Variants in ARHGEF28 observed in about 807,000 individuals in gnomAD.
ARHGEF28 encodes 190 kDa guanine nucleotide exchange factor.
A neutral mutation model predicts 206.6 loss-of-function variants in ARHGEF28; 152 were observed. That is an observed-to-expected ratio of 0.74 (90% CI 0.64 to 0.84). The LOEUF (loss-of-function observed/expected upper bound fraction) is 0.84, where lower values mean the gene tolerates loss of function less well. Ranked by LOEUF, ARHGEF28 falls within the 40% of genes least tolerant of loss-of-function variation. The pLI is 0.00. For synonymous variants in ARHGEF28, 763 were observed against 776.4 expected (o/e 0.98, Z 0.29); for missense variants, 2,028 against 2,073.2 (o/e 0.98, Z 0.42).
Position 73,846,308 on chromosome 5 carries a change from G to C in ARHGEF28, c.1468G>C (p.Gly490Arg). The change falls in exon 12 of 36, where the codon GGG (glycine) becomes CGG (arginine). Residue 490 changes from glycine (G) to arginine (R), a missense_variant. Gly to Arg is a moderately radical substitution (Grantham distance 125, BLOSUM62 -2). Around this residue, in one of 3 missense-constraint regions of ARHGEF28, gnomAD observed 1,002 missense variants for 1,015.3 expected, o/e 0.99. Transcript: ENST00000513042. ...CTTGGACGCCGACAGTGAAGGGGAAGGGCATTCTGAGCCATCCCACATCTG... is the reference window on the plus strand; with the variant it reads ...CTTGGACGCCGACAGTGAAGGGGAACGGCATTCTGAGCCATCCCACATCTG... The part of the protein sequence containing the change: ...DALDADSEGE[G>R]HSEPSHICYT... The C allele has an allele frequency of 6.2e-7, 1 of 1,613,750 alleles. No homozygotes were observed. Among genetic ancestry groups the C allele is most frequent in the South Asian group, 1.1e-5 (1 of 91,076 alleles).
intron 2 of ARHGEF28, among the ~76,000 whole-genome samples, chr5:73,685,405 G>A (rs1747398351): frequency 6.6e-6 from 1 of 152,076 alleles, no homozygotes. Flanking sequence ...CAACTCCTGG[G>A]GGTAACAGGG....
chr5:73,868,076 T>A, intron 19 of ARHGEF28, 24 bp from the exon 20 acceptor site: 1 of 1,612,966 alleles, frequency 6.2e-7, no homozygotes, highest in East Asian at 2.2e-5. Flanking sequence ...TGGGGCTAAC[T>A]TTGCTCCCCT....
chr5:73,652,402 A>G (rs1206598734), intron 1 of ARHGEF28, among the ~76,000 whole-genome samples: 1 of 152,136 alleles, frequency 6.6e-6, no homozygotes, highest in Non-Finnish European at 1.5e-5. Flanking sequence ...GGTCTGTGGG[A>G]TTTTGGGCAG....
intron 22 of ARHGEF28, among the ~76,000 whole-genome samples, chr5:73,875,585 T>C (rs1228776712): frequency 6.6e-6 from 1 of 151,998 alleles, no homozygotes; most frequent in Non-Finnish European, 1.5e-5. Context: ...CCATCTTGAA[T>C]TAATTTTTGT....
chr5:73,889,389 G>C (rs1426164280), intron 26 of ARHGEF28, among the ~76,000 whole-genome samples: 1 of 152,198 alleles, frequency 6.6e-6, no homozygotes, highest in African/African-American at 2.4e-5. Context: ...TTTTATAAAG[G>C]ACTCAGCTGG....
At chr5:73,837,529 A>G (rs1757720512) in intron 10 of ARHGEF28, among the ~76,000 whole-genome samples, 1 of 152,082 alleles carries the variant, frequency 6.6e-6, no homozygotes, top group Non-Finnish European at 1.5e-5. Flanking sequence ...TACTGTAACT[A>G]TAGTATTTCC....
intron 1 of ARHGEF28, among the ~76,000 whole-genome samples, chr5:73,683,194 C>T (rs780754020): frequency 1.4e-4 from 22 of 152,012 alleles, no homozygotes; most frequent in Admixed American, 4.6e-4. Flanking sequence ...TTAACTGTGG[C>T]AAAATAGACA....
intron 16 of ARHGEF28, among the ~76,000 whole-genome samples, chr5:73,859,257 G>A (rs1468163564): frequency 6.6e-6 from 1 of 152,164 alleles, no homozygotes; most frequent in Non-Finnish European, 1.5e-5. Context: ...GTAAGTATTT[G>A]TTGAATGAAA....
intron 2 of ARHGEF28, among the ~76,000 whole-genome samples, chr5:73,729,020 T>G (rs1580535009): frequency 2.0e-5 from 3 of 152,364 alleles, no homozygotes; most frequent in Admixed American, 2.0e-4. Flanking sequence ...CTGAAGGGAC[T>G]GACCCACAGT....
intron 1 of ARHGEF28, among the ~76,000 whole-genome samples, chr5:73,627,460 T>C (rs1046378663): frequency 6.6e-6 from 1 of 152,206 alleles, no homozygotes; most frequent in Non-Finnish European, 1.5e-5. Context: ...TGTTAGGTTC[T>C]GTGGCATCTA....
intron 27 of ARHGEF28, among the ~76,000 whole-genome samples, chr5:73,892,606 G>A (rs1040058767): frequency 1.3e-5 from 2 of 152,048 alleles, no homozygotes; most frequent in African/African-American, 4.8e-5. Flanking sequence ...ATGTACATAT[G>A]TGTGTGTTTA....
intron 9 of ARHGEF28, among the ~76,000 whole-genome samples, chr5:73,819,515 ATGTCTTCTTTCTTGGATGGCAG>A (rs1756441231): frequency 6.6e-6 from 1 of 152,138 alleles, no homozygotes; most frequent in Non-Finnish European, 1.5e-5. Context: ...TTGGTGGGTG[ATGTCTTCTTTCTTGGATGGCAG>A]TGTCTTCTTT....
At chr5:73,815,990 T>C (rs13359267) in intron 9 of ARHGEF28, among the ~76,000 whole-genome samples, 49,547 of 152,052 alleles carry the variant, frequency 0.33, 9,338 homozygotes, top group East Asian at 0.49. Flanking sequence ...CATGCTGTAA[T>C]GCGAGCTGGA....
chr5:73,909,681 G>A lies in ARHGEF28; in HGVS notation c.4431G>A (p.Arg1477=), dbSNP rs754487044. The change falls in exon 34 of 36, where the codon CGG becomes CGA. Residue 1477 remains arginine (R), a synonymous_variant. Coordinates refer to ENST00000513042, the MANE Select transcript of ARHGEF28 (RefSeq NM_001177693.2). ...TRESWLQERE[R]ECQSQEELLL... is the part of the protein sequence containing the mutation. Reference sequence around the variant, plus strand: ...AGAGCTGGCTGCAGGAGCGGGAGCGGGAGTGCCAGTCGCAGGAGGAGCTGC... The same window carrying A: ...AGAGCTGGCTGCAGGAGCGGGAGCGAGAGTGCCAGTCGCAGGAGGAGCTGC... 2.5e-5 allele frequency: 39 copies of A among 1,538,986 alleles called. No homozygotes were observed. The highest frequency in any genetic ancestry group is 1.4e-4 in the Admixed American group (7 of 50,782).
chr5:73,682,815 C>A (rs1254759544), intron 1 of ARHGEF28, among the ~76,000 whole-genome samples: 1 of 152,194 alleles, frequency 6.6e-6, no homozygotes, highest in Non-Finnish European at 1.5e-5. Context: ...GGCTAAGGCA[C>A]AAGAATCGCC....
chr5:73,765,838 A>T (rs1367788315), intron 4 of ARHGEF28, among the ~76,000 whole-genome samples: 2 of 150,062 alleles, frequency 1.3e-5, no homozygotes, highest in African/African-American at 5.0e-5. Context: ...AATGTGAATC[A>T]AAAAAAAATT....
rs535373623 is a variant in ARHGEF28 at position 73,934,208 on chromosome 5, C to T, written c.4949-6636C>T. Among the ~76,000 whole-genome samples the T allele has an allele frequency of 3.9e-5, 6 of 152,248 alleles. No individual in the cohort carries two copies. The East Asian group carries it at 5.8e-4, about 15-fold the overall frequency. On this transcript the variant is annotated intron_variant, in intron 35 of 35. Transcript: ENST00000513042. The stretch of plus-strand genomic sequence containing the variant: ...GATTTTCCTGATTGCATTCCCATCG[C>T]GTCATTTGAAATATTCTTCTGCCCC...
intron 26 of ARHGEF28, among the ~76,000 whole-genome samples, chr5:73,889,798 A>G (rs1761519367): frequency 6.6e-6 from 1 of 152,236 alleles, no homozygotes; most frequent in South Asian, 2.1e-4. Flanking sequence ...TAGGGACTGT[A>G]GTGAAAAGTG....
At chr5:73,793,009 A>G (rs902359931) in intron 7 of ARHGEF28, among the ~76,000 whole-genome samples, 4 of 152,198 alleles carry the variant, frequency 2.6e-5, no homozygotes, top group Admixed American at 6.5e-5. Flanking sequence ...CTGGGTGTCC[A>G]CTATGATCTT....
Sources: gnomAD v4.1 joint callset for allele counts (sites outside exome capture counted in the v4.1 genomes callset) on GRCh38, gnomAD v4.1.1 for gene constraint, gnomAD v4.1.1 regional missense constraint, MANE v1.5 for transcripts, NCBI Gene and HGNC (gene_info 2026-07-23, HGNC 2026-07-21) for gene names.